Variants in USP31 observed in about 807,000 individuals in gnomAD.
The protein encoded by USP31 is ubiquitin carboxyl-terminal hydrolase 31.
A neutral mutation model predicts 119.4 loss-of-function variants in USP31; 44 were observed. The ratio of observed to expected loss-of-function variants is 0.37; its 90% CI spans 0.29 to 0.47. The LOEUF (loss-of-function observed/expected upper bound fraction) is 0.47, where lower values mean the gene tolerates loss of function less well. Ranked by LOEUF, USP31 falls within the 20% of genes least tolerant of loss-of-function variation. The pLI, the probability that USP31 is intolerant of heterozygous loss-of-function variation, is 0.99. For synonymous variants in USP31, 749 were observed against 705.6 expected, an observed-to-expected ratio of 1.06 and a Z score of -0.97; for missense variants, 1,643 against 1,730.2, an observed-to-expected ratio of 0.95 and a Z score of 0.89.
Position 23,069,326 on chromosome 16 carries a change from C to T in USP31, c.2779G>A (p.Asp927Asn), listed in dbSNP as rs1424057846. Residue 927 changes from aspartate (D) to asparagine (N), a missense_variant, in exon 16 of 16, where the codon GAC (aspartate) becomes AAC (asparagine). Transcript: ENST00000219689. ...NLSSSYQEPS[D>N]SHSRREHKAV... ...TTGTGCTCACGGCGACTATGACTGT[C>T]GCTTGGTTCCTGGTAACTGCTAGAA... 7 of 1,602,684 alleles carry T rather than the reference C, an allele frequency of 4.4e-6. No homozygotes were observed. The highest frequency in any genetic ancestry group is 6.0e-6 in the Non-Finnish European group (7 of 1,173,472).
At chr16:23,142,053 C>T (rs1380488603) in intron 1 of USP31, among the ~76,000 whole-genome samples, 2 of 152,216 alleles carry the variant, frequency 1.3e-5, no homozygotes, top group Non-Finnish European at 2.9e-5. Flanking sequence ...AGTCCTATAA[C>T]CTTTGTACTT....
intron 15 of USP31, among the ~76,000 whole-genome samples, chr16:23,070,180 G>C (rs1900286765): frequency 6.6e-6 from 1 of 152,118 alleles, no homozygotes; most frequent in East Asian, 1.9e-4. Context: ...TATTGACCCA[G>C]CTTCATTACC....
chr16:23,115,412 C>T lies in USP31; in HGVS notation c.634-7229G>A, dbSNP rs77061992. ...TTGGCTTATGCCTGTGATCTCAGCA[C>T]GTTGGGAGGCCAAGGCAGGAGGATG... On this transcript the variant is annotated intron_variant, in intron 1 of 15. Transcript: ENST00000219689. Among the ~76,000 whole-genome samples, 445 of 152,192 alleles carry T rather than the reference C, an allele frequency of 2.9e-3. 2 individuals carry two copies. Among genetic ancestry groups the T allele is most frequent in the Non-Finnish European group, 4.0e-3 (275 of 68,016 alleles).
Position 23,068,464 on chromosome 16 carries a change from C to A in USP31, c.3641G>T (p.Gly1214Val), listed in dbSNP as rs745688710. 23 of 1,613,462 alleles carry A rather than the reference C, an allele frequency of 1.4e-5. No homozygotes were observed. The highest frequency in any genetic ancestry group is 1.9e-5 in the Non-Finnish European group (22 of 1,179,794). ...CTCAGACTTGCTGTCCCTCTTCAAA[C>A]CAGACTTGATGCTTGTGCTGGGGGA... ...LRSPSTSIKS[G>V]LKRDSKSEDK... The change falls in exon 16 of 16, where the codon GGT becomes GTT. Residue 1214 changes from glycine to valine, a missense_variant. Physicochemically the swap from Gly to Val is moderately radical, Grantham distance 109. Coordinates refer to ENST00000219689, the MANE Select transcript of USP31 (RefSeq NM_020718.4).
intron 13 of USP31, 80 bp from the exon 14 acceptor site, chr16:23,073,960 G>A: frequency 6.3e-7 from 1 of 1,589,088 alleles, no homozygotes; most frequent in South Asian, 1.1e-5. Flanking sequence ...CATCTCTTTG[G>A]CTCATCTAAT....
intron 6 of USP31, among the ~76,000 whole-genome samples, chr16:23,091,101 T>C (rs1261383029): frequency 6.6e-6 from 1 of 152,192 alleles, no homozygotes; most frequent in African/African-American, 2.4e-5. Flanking sequence ...CTGAGATGAT[T>C]CACCAAGAAA....
chr16:23,123,045 G>A (rs1028311349), intron 1 of USP31, among the ~76,000 whole-genome samples: 38 of 152,290 alleles, frequency 2.5e-4, no homozygotes, highest in Admixed American at 1.2e-3. Flanking sequence ...GACAGTCTAT[G>A]TTTAATCAAT....
chr16:23,092,968 C>A (rs1272492960), intron 6 of USP31, among the ~76,000 whole-genome samples: 1 of 152,058 alleles, frequency 6.6e-6, no homozygotes, highest in African/African-American at 2.4e-5. Flanking sequence ...GGTGCTGGGA[C>A]AAGTAAATAT....
At chr16:23,124,456 T>C (rs529900896) in intron 1 of USP31, among the ~76,000 whole-genome samples, 2 of 152,302 alleles carry the variant, frequency 1.3e-5, no homozygotes, top group Non-Finnish European at 2.9e-5. Context: ...TCAACGACGA[T>C]ACAATGGCAC....
In USP31 at chr16:23,143,594, G is replaced by GA. The variant is rs995906558; in HGVS notation, c.633+5043_633+5044insT. Among the ~76,000 whole-genome samples the GA allele has an allele frequency of 5.3e-5, 8 of 150,086 alleles. No homozygotes were observed. The East Asian group carries it at 7.9e-4, about 15-fold the overall frequency. ...AGAGAGAGGGAGAGGTTGGGGGGGG[G>GA]GAGAGAGAGAGAAAGAGAGAGCGCG... is the stretch of plus-strand genomic sequence containing the variant. On this transcript the variant is annotated intron_variant, in intron 1 of 15. Transcript: ENST00000219689.
At chr16:23,144,771 T>C (rs1479467732) in intron 1 of USP31, among the ~76,000 whole-genome samples, 2 of 152,220 alleles carry the variant, frequency 1.3e-5, no homozygotes, top group Non-Finnish European at 2.9e-5. Context: ...CATGAGCCAC[T>C]GCGTCCTGCC....
intron 1 of USP31, among the ~76,000 whole-genome samples, chr16:23,135,615 T>C (rs1903165135): frequency 6.6e-6 from 1 of 151,806 alleles, no homozygotes; most frequent in Non-Finnish European, 1.5e-5. Flanking sequence ...TACTTAGGAA[T>C]AAATTTAACC....
At chr16:23,145,419 T>C (rs926392320) in intron 1 of USP31, among the ~76,000 whole-genome samples, 2 of 152,188 alleles carry the variant, frequency 1.3e-5, no homozygotes, top group African/African-American at 2.4e-5. Flanking sequence ...CATAGCTCCC[T>C]GGGAGGTAAA....
intron 1 of USP31, among the ~76,000 whole-genome samples, chr16:23,126,311 C>T (rs1486222414): frequency 7.0e-6 from 1 of 143,110 alleles, no homozygotes; most frequent in African/African-American, 2.6e-5. Flanking sequence ...CAGAGCGACC[C>T]TGTCTCTTTA....
intron 5 of USP31, among the ~76,000 whole-genome samples, chr16:23,104,608 T>C (rs1902016272): frequency 6.6e-6 from 1 of 152,222 alleles, no homozygotes; most frequent in Non-Finnish European, 1.5e-5. Flanking sequence ...CACTGCTGGC[T>C]GTATTTGTTT....
At chr16:23,128,236 T>A (rs1902926199) in intron 1 of USP31, among the ~76,000 whole-genome samples, 1 of 152,216 alleles carries the variant, frequency 6.6e-6, no homozygotes, top group South Asian at 2.1e-4. Context: ...CTGATTCCAG[T>A]ATCTGGAAAT....
intron 1 of USP31, among the ~76,000 whole-genome samples, chr16:23,108,995 T>C (rs945891956): frequency 6.6e-6 from 1 of 152,172 alleles, no homozygotes; most frequent in Admixed American, 6.5e-5. Context: ...ACGCTTACAG[T>C]GTAGCTAATG....
At chr16:23,079,852 G>A in intron 13 of USP31, 94 bp downstream of exon 13, 1 of 1,199,490 alleles carries the variant, frequency 8.3e-7, no homozygotes, top group Non-Finnish European at 1.1e-6. Flanking sequence ...CCTACCGGAG[G>A]GGAAATGAGG....
chr16:23,095,605 C>G (rs1449171330), intron 6 of USP31, among the ~76,000 whole-genome samples: 7 of 152,320 alleles, frequency 4.6e-5, no homozygotes, highest in East Asian at 3.9e-4. Context: ...AGTGAAAGGT[C>G]AGGTTACCCA....
Sources: allele counts gnomAD v4.1 joint callset (sites outside exome capture counted in the v4.1 genomes callset), GRCh38; gene constraint gnomAD v4.1.1; transcripts MANE v1.5; gene names NCBI Gene and HGNC (gene_info 2026-07-23, HGNC 2026-07-21).